MANSC4: variants seen among roughly 807,000 people sequenced by gnomAD.
The protein encoded by MANSC4 is MANSC domain containing 4.
A neutral mutation model predicts 11.4 loss-of-function variants in MANSC4; 11 were observed. The ratio of observed to expected loss-of-function variants is 0.97; its 90% CI spans 0.61 to 1.60. The LOEUF is 1.60. Among genes scored for constraint, MANSC4 ranks in the 40% most tolerant of loss-of-function variants. The pLI, the probability that MANSC4 is intolerant of heterozygous loss-of-function variation, is 0.00. For synonymous variants in MANSC4, 123 were observed against 147.1 expected (o/e 0.84, Z 1.19); for missense variants, 354 against 404.6 (o/e 0.88, Z 1.07).
In MANSC4 at chr12:27,777,272, C is replaced by T. The variant is rs1452722082; in HGVS notation, c.-307+2938G>A. Among the ~76,000 whole-genome samples, 7 of 152,262 alleles carry T rather than the reference C, an allele frequency of 4.6e-5. No individual in the cohort carries two copies. The East Asian group carries it at 5.8e-4, about 13-fold the overall frequency. ...ATACCAGTCTGAGGCATATCTATGA[C>T]GGCTGGGAAACAAAAGCATCCATTG... On this transcript the variant is annotated intron_variant, in intron 1 of 3. Coordinates refer to ENST00000381273, the MANE Select transcript of MANSC4 (RefSeq NM_001146221.5).
At chr12:27,764,698 T>G (rs1472899902) in intron 3 of MANSC4, among the ~76,000 whole-genome samples, 3 of 152,140 alleles carry the variant, frequency 2.0e-5, no homozygotes, top group Non-Finnish European at 2.9e-5. Context: ...AGCTCTGATC[T>G]CATTTATCCA....
chr12:27,765,534 C>T (rs1388394546), intron 3 of MANSC4, among the ~76,000 whole-genome samples: 1 of 152,210 alleles, frequency 6.6e-6, no homozygotes, highest in Admixed American at 6.5e-5. Context: ...ATATAGAACT[C>T]ATTATCTTCT....
chr12:27,779,449 T>C (rs986215836), intron 1 of MANSC4, among the ~76,000 whole-genome samples: 8 of 152,152 alleles, frequency 5.3e-5, no homozygotes, highest in South Asian at 2.1e-4. Flanking sequence ...GGGGCCCCAG[T>C]GGCAAATGCA....
intron 1 of MANSC4, among the ~76,000 whole-genome samples, chr12:27,776,106 A>G (rs1294429529): frequency 6.6e-6 from 1 of 151,548 alleles, no homozygotes; most frequent in Non-Finnish European, 1.5e-5. Flanking sequence ...AAAAAAAAAA[A>G]AAGTATATTT....
chr12:27,774,740 G>A (rs2062112586), intron 1 of MANSC4, among the ~76,000 whole-genome samples: 1 of 152,144 alleles, frequency 6.6e-6, no homozygotes. Flanking sequence ...ATAAAAAGCA[G>A]GGGCTGGGCA....
rs374750550 is a variant in MANSC4, at chr12:27,777,275, C to G, written c.-307+2935G>C. ...CCAGTCTGAGGCATATCTATGACGG[C>G]TGGGAAACAAAAGCATCCATTGGTG... On this transcript the variant is annotated intron_variant, in intron 1 of 3. Coordinates refer to ENST00000381273, the MANE Select transcript of MANSC4 (RefSeq NM_001146221.5). Among the ~76,000 whole-genome samples the G allele has an allele frequency of 7.9e-5, 12 of 152,280 alleles. 1 individual carries two copies. In the East Asian group the frequency reaches 1.9e-3, roughly 24 times the overall value.
intron 1 of MANSC4, among the ~76,000 whole-genome samples, chr12:27,772,523 A>G (rs2062105082): frequency 6.6e-6 from 1 of 152,246 alleles, no homozygotes; most frequent in Non-Finnish European, 1.5e-5. Flanking sequence ...ATTGATAATG[A>G]AAAGGAAAGT....
chr12:27,770,512 A>G (rs1004534602), intron 2 of MANSC4, among the ~76,000 whole-genome samples: 11 of 145,570 alleles, frequency 7.6e-5, no homozygotes, highest in Admixed American at 2.7e-4. Flanking sequence ...ATATGATACT[A>G]ATATCACAAA....
intron 1 of MANSC4, among the ~76,000 whole-genome samples, chr12:27,771,802 G>C (rs1285391971): frequency 6.6e-6 from 1 of 152,040 alleles, no homozygotes; most frequent in African/African-American, 2.4e-5. Context: ...AAATCATCTC[G>C]ATTTCTTTGA....
At chr12:27,766,830 A>G (rs1208434502) in intron 2 of MANSC4, 31 bp from the exon 3 acceptor site, 2 of 1,546,774 alleles carry the variant, frequency 1.3e-6, no homozygotes, top group Non-Finnish European at 1.7e-6. Flanking sequence ...GTACATCTGC[A>G]GATGGTCTCA....
At chr12:27,764,741 T>C (rs1168854033) in intron 3 of MANSC4, among the ~76,000 whole-genome samples, 1 of 152,202 alleles carries the variant, frequency 6.6e-6, no homozygotes, top group Admixed American at 6.5e-5. Flanking sequence ...CTGGACCTCT[T>C]ACATCATCTC....
intron 1 of MANSC4, among the ~76,000 whole-genome samples, 130 bp from the exon 2 acceptor site, chr12:27,771,712 C>A (rs1222537383): frequency 6.6e-6 from 1 of 152,192 alleles, no homozygotes; most frequent in Non-Finnish European, 1.5e-5. Flanking sequence ...GTATCCATTT[C>A]ATCATAAACA....
chr12:27,779,636 G>A (rs1310480266), intron 1 of MANSC4, among the ~76,000 whole-genome samples: 1 of 152,170 alleles, frequency 6.6e-6, no homozygotes, highest in Non-Finnish European at 1.5e-5. Flanking sequence ...ACTCGATGCC[G>A]GACTGGGCCA....
intron 1 of MANSC4, among the ~76,000 whole-genome samples, chr12:27,775,132 G>T (rs1324832133): frequency 1.1e-4 from 16 of 152,172 alleles, no homozygotes; most frequent in Admixed American, 1.0e-3. Context: ...GTTAAAAGCG[G>T]CCTGTCTGGG....
At chr12:27,766,233 A>C (rs1049413547) in intron 3 of MANSC4, among the ~76,000 whole-genome samples, 1 of 152,078 alleles carries the variant, frequency 6.6e-6, no homozygotes, top group African/African-American at 2.4e-5. Flanking sequence ...ACGCACAGCT[A>C]ATTTTTGTAT....
At chr12:27,766,983 T>C (rs12368869) in intron 2 of MANSC4, among the ~76,000 whole-genome samples, 184 bp from the exon 3 acceptor site, 25,662 of 148,710 alleles carry the variant, frequency 0.17, 2,606 homozygotes, top group Non-Finnish European at 0.23. Flanking sequence ...TGGAAAATAC[T>C]TTTTTTTATT....
intron 1 of MANSC4, among the ~76,000 whole-genome samples, chr12:27,773,716 A>G (rs966235526): frequency 2.0e-5 from 3 of 152,240 alleles, no homozygotes; most frequent in Non-Finnish European, 2.9e-5. Flanking sequence ...GATGAGCGAA[A>G]TAAATGGAAC....
In MANSC4 at chr12:27,762,759, A is replaced by G; in HGVS notation, c.1002T>C (p.His334=). 3.2e-6 allele frequency: 5 copies of G among 1,539,896 alleles called. No homozygotes were observed. The South Asian group carries it at 6.1e-5, about 19-fold the overall frequency. ...TTTACTATGAAGAGTTCTCCTTCAT[A>G]TGGTTACGGTTTTTAATTTGCAAGG... The part of the protein sequence containing the change: ...SGSLQIKNRN[H]MKENSS The change falls in exon 4 of 4, where the codon CAT becomes CAC. Residue 334 remains histidine (H), a synonymous_variant. Transcript: ENST00000381273.
intron 2 of MANSC4, among the ~76,000 whole-genome samples, chr12:27,767,726 T>G (rs1369605052): frequency 2.0e-5 from 3 of 151,824 alleles, no homozygotes; most frequent in East Asian, 3.9e-4. Flanking sequence ...AACAAAACCC[T>G]GGGGATTTAT....
Sources: gnomAD v4.1 joint callset for allele counts (sites outside exome capture counted in the v4.1 genomes callset) on GRCh38, gnomAD v4.1.1 for gene constraint, MANE v1.5 for transcripts, NCBI Gene and HGNC (gene_info 2026-07-23, HGNC 2026-07-21) for gene names.